The following KIF26A variants were observed in gnomAD, a reference collection of about 807,000 sequenced individuals.
KIF26A encodes the protein kinesin family member 26A, also known as kinesin-like protein KIF26A.
KIF26A carries 74 observed loss-of-function variants against 126.0 expected under a neutral mutation model. The observed-to-expected ratio is 0.59, with a 90% CI of 0.49 to 0.71. KIF26A has a LOEUF of 0.71. Among genes scored for constraint, KIF26A ranks in the 30% least tolerant of loss-of-function variants. The pLI is 0.00. For synonymous variants in KIF26A, 1,445 were observed against 1,232.7 expected (o/e 1.17, Z -3.61); for missense variants, 2,984 against 2,763.3 (o/e 1.08, Z -1.79).
In KIF26A at chr14:104,157,785, G is replaced by A. The variant is rs2037794576; in HGVS notation, c.766G>A (p.Ala256Thr). 3 of 1,610,406 alleles carry A rather than the reference G, an allele frequency of 1.9e-6. No homozygotes were observed. The African/African-American group carries it at 4.0e-5, about 22-fold the overall frequency. Reference protein sequence around the residue: ...AEAAVAAVAVADTVRECPPVA... With the variant: ...AEAAVAAVAVTDTVRECPPVA... ...GGCAGCGGTGGCGGCCGTGGCGGTGGCAGACACGGTCCGAGAATGCCCCCC... is the reference window on the plus strand; with the variant it reads ...GGCAGCGGTGGCGGCCGTGGCGGTGACAGACACGGTCCGAGAATGCCCCCC... The change falls in exon 4 of 15, where the codon GCA becomes ACA. Residue 256 changes from alanine to threonine, a missense_variant. Ala to Thr is a moderately conservative substitution (Grantham distance 58). Transcript: ENST00000423312.
chr14:104,164,718 TGTGTGC>T (rs1301043442), intron 4 of KIF26A, among the ~76,000 whole-genome samples: 1 of 151,568 alleles, frequency 6.6e-6, no homozygotes, highest in African/African-American at 2.4e-5. Flanking sequence ...TGTGTGAGTG[TGTGTGC>T]GTGTCTGTGT....
chr14:104,146,726 T>C (rs2037683556), intron 2 of KIF26A, among the ~76,000 whole-genome samples: 1 of 152,106 alleles, frequency 6.6e-6, no homozygotes, highest in African/African-American at 2.4e-5. Flanking sequence ...GGGGCGGCAG[T>C]GTTTGATCTC....
At chr14:104,143,905 C>G (rs904061878) in intron 2 of KIF26A, among the ~76,000 whole-genome samples, 6 of 152,352 alleles carry the variant, frequency 3.9e-5, no homozygotes, top group Non-Finnish European at 7.3e-5. Flanking sequence ...GCACGGCTCC[C>G]TGGCTGGCAG....
Position 104,176,102 on chromosome 14 carries a change from G to T in KIF26A, c.3314G>T (p.Ser1105Ile). 6.3e-7 allele frequency: 1 copy of T among 1,585,968 alleles called. No individual in the cohort carries two copies. Among genetic ancestry groups the T allele is most frequent in the Admixed American group, 1.8e-5 (1 of 56,708 alleles). ...PLEGAAWAGS[S>I]HGSSISSWLS... Reference sequence around the variant, plus strand: ...GAGGGGGCAGCCTGGGCCGGCAGCAGTCACGGCTCCTCCATCAGCTCCTGG... The same window carrying T: ...GAGGGGGCAGCCTGGGCCGGCAGCATTCACGGCTCCTCCATCAGCTCCTGG... Residue 1105 changes from serine (S) to isoleucine (I), a missense_variant, in exon 12 of 15, where the codon AGT becomes ATT. Ser to Ile is a moderately radical substitution (Grantham distance 142, BLOSUM62 -2). Transcript: ENST00000423312.
In KIF26A at chr14:104,173,714, G is replaced by C. The variant is rs754460426; in HGVS notation, c.1876G>C (p.Gly626Arg). 11 of 1,610,944 alleles carry C rather than the reference G, an allele frequency of 6.8e-6. No individual in the cohort carries two copies. In the South Asian group the frequency reaches 1.2e-4, roughly 18 times the overall value. ...EKCGRGGMSGGRSRLHLIDLG... is the reference protein window; with the variant it reads ...EKCGRGGMSGRRSRLHLIDLG... The stretch of plus-strand genomic sequence containing the variant: ...TTGCCTTGTGGTTCCAGTGTCCGGA[G>C]GCCGCAGCCGCCTGCACCTCATCGA... Residue 626 changes from glycine to arginine, a missense_variant, in exon 10 of 15, where the codon GGC becomes CGC. Physicochemically the swap from Gly to Arg is moderately radical, Grantham distance 125. Transcript: ENST00000423312.
Position 104,175,927 on chromosome 14 carries a change from G to A in KIF26A, c.3139G>A (p.Gly1047Arg), listed in dbSNP as rs375059676. 3.1e-5 allele frequency: 48 copies of A among 1,552,990 alleles called. 2 individuals carry two copies. The Middle Eastern group carries it at 2.8e-3, about 92-fold the overall frequency. The change falls in exon 12 of 15, where the codon GGA becomes AGA. Residue 1047 changes from glycine (G) to arginine (R), a missense_variant. Gly to Arg is a moderately radical substitution (Grantham distance 125). Transcript: ENST00000423312. Reference sequence around the variant, plus strand: ...GGAGCTGTCCCTGGGGGCGCTTGCCGGAGCTGGGCGGCCCACCAGCCTGGC... The same window carrying A: ...GGAGCTGTCCCTGGGGGCGCTTGCCAGAGCTGGGCGGCCCACCAGCCTGGC... The part of the protein sequence containing the change: ...VEELSLGALA[G>R]AGRPTSLASF...
chr14:104,179,852 A>G lies in KIF26A; in HGVS notation c.*62A>G. The G allele has an allele frequency of 7.2e-7, 1 of 1,396,792 alleles. No individual in the cohort carries two copies. Among genetic ancestry groups the G allele is most frequent in the South Asian group, 1.5e-5 (1 of 65,786 alleles). 86.5% of individuals were successfully genotyped at this position (1,396,792 alleles called of 1,614,324 possible). Reference sequence around the variant, plus strand: ...GGCTGGAGGACGGGACGTGGGACGGAGCGAGGATGTGGTGGGGGCTGCGGG... The same window carrying G: ...GGCTGGAGGACGGGACGTGGGACGGGGCGAGGATGTGGTGGGGGCTGCGGG... On this transcript the variant is annotated 3_prime_UTR_variant, in exon 15 of 15. Transcript: ENST00000423312.
chr14:104,148,754 A>C lies in KIF26A; in HGVS notation c.289-3261A>C, dbSNP rs1322756717. Among the ~76,000 whole-genome samples, 2 of 152,002 alleles carry C rather than the reference A, an allele frequency of 1.3e-5. No homozygotes were observed. Among genetic ancestry groups the C allele is most frequent in the African/African-American group, 2.4e-5 (1 of 41,360 alleles). ...GTCTGGGGTCTGCTGTGCGGGGAGC[A>C]GTCAGTGGTGTGGGAGACCCTCGCC... On this transcript the variant is annotated intron_variant, in intron 2 of 14. Transcript: ENST00000423312. This position sits in a 1 kb window ranked among gnomAD's most constrained non-coding sequence, Gnocchi z 4.3.
At chr14:104,142,509 C>T (rs891065359) in intron 2 of KIF26A, among the ~76,000 whole-genome samples, 1 of 152,172 alleles carries the variant, frequency 6.6e-6, no homozygotes, top group Non-Finnish European at 1.5e-5. Flanking sequence ...ATGCTGTCCT[C>T]ATCCCAAGAC....
In KIF26A at chr14:104,176,788, G is replaced by T; in HGVS notation, c.4000G>T (p.Gly1334Trp). The change falls in exon 12 of 15, where the codon GGG (glycine) becomes TGG (tryptophan). Residue 1334 changes from glycine (G) to tryptophan (W), a missense_variant. By Grantham distance (184) the Gly-to-Trp change is radical (BLOSUM62 -2). Coordinates refer to ENST00000423312, the MANE Select transcript of KIF26A (RefSeq NM_015656.2). ...TCCCACGGAGGTGGTGGCCTGCTCG[G>T]GGAGCCTGAAGGCCTCCCCCACCAG... ...DAPTEVVACSGSLKASPTSKK... is the reference protein window; with the variant it reads ...DAPTEVVACSWSLKASPTSKK... 6.4e-7 allele frequency: 1 copy of T among 1,571,854 alleles called. No individual in the cohort carries two copies. Among genetic ancestry groups the T allele is most frequent in the Non-Finnish European group, 8.6e-7 (1 of 1,159,978 alleles).
chr14:104,138,993 C>G (rs1252207629), intron 1 of KIF26A, 50 bp from the exon 2 acceptor site: 14 of 1,323,108 alleles, frequency 1.1e-5, no homozygotes, highest in Admixed American at 8.4e-5. Flanking sequence ...GGGTCTGGAT[C>G]CGACGGACGT....
chr14:104,175,217 G>A lies in KIF26A; in HGVS notation c.2429G>A (p.Gly810Asp). 1.2e-6 allele frequency: 2 copies of A among 1,609,936 alleles called. No individual in the cohort carries two copies. Among genetic ancestry groups the A allele is most frequent in the East Asian group, 4.5e-5 (2 of 44,842 alleles). The change falls in exon 12 of 15, where the codon GGT (glycine) becomes GAT (aspartate). Residue 810 changes from glycine (G) to aspartate (D), a missense_variant. Coordinates refer to ENST00000423312, the MANE Select transcript of KIF26A (RefSeq NM_015656.2). ...GACCGGGAGCTCACCGACAACGAAG[G>A]TCCGCCTGACTTCGTGCCCATCATC... ...LSDRELTDNE[G>D]PPDFVPIIPA...
intron 4 of KIF26A, among the ~76,000 whole-genome samples, chr14:104,165,199 G>C (rs376405220): frequency 5.3e-4 from 70 of 133,218 alleles, no homozygotes; most frequent in African/African-American, 2.2e-3. Context: ...ATGCATGTGT[G>C]TGTCTGTGTC....
chr14:104,156,444 T>C (rs118100965), intron 3 of KIF26A, among the ~76,000 whole-genome samples: 24,965 of 152,062 alleles, frequency 0.16, 2,114 homozygotes, highest in Non-Finnish European at 0.2. Context: ...TACTGGGCAT[T>C]CCTTCTGGAA....
intron 4 of KIF26A, among the ~76,000 whole-genome samples, chr14:104,166,104 G>A (rs757227270): frequency 3.0e-4 from 45 of 152,234 alleles, no homozygotes; most frequent in Admixed American, 4.6e-4. Flanking sequence ...CTTTGGGGTG[G>A]GGAGGCGCTC....
intron 4 of KIF26A, among the ~76,000 whole-genome samples, chr14:104,164,961 GTC>G (rs929960775): frequency 9.2e-5 from 14 of 151,568 alleles, no homozygotes; most frequent in Non-Finnish European, 1.8e-4. Context: ...ATGCATATGT[GTC>G]TCTATGTGTG....
chr14:104,172,403 T>C (rs77088311), intron 6 of KIF26A, among the ~76,000 whole-genome samples, 172 bp from the exon 7 acceptor site: 6,638 of 152,360 alleles, frequency 0.044, 189 homozygotes, highest in Non-Finnish European at 0.063. Context: ...GTCCTGTTCA[T>C]GTGTGTTCTG....
rs377506822 is a variant in KIF26A, at chr14:104,171,580, G to C, written c.1114-143G>C. ...GGATCTGCTCTCGCCTGGAGCAGGGGCGCGGTGTCCACATTCCTGCGGTGG... is the reference window on the plus strand; with the variant it reads ...GGATCTGCTCTCGCCTGGAGCAGGGCCGCGGTGTCCACATTCCTGCGGTGG... On this transcript the variant is annotated intron_variant, in intron 5 of 14. Coordinates refer to ENST00000423312, the MANE Select transcript of KIF26A (RefSeq NM_015656.2). 4.5e-4 allele frequency: 307 copies of C among 675,484 alleles called. 5 individuals are homozygous for C. The South Asian group carries it at 5.2e-3, about 12-fold the overall frequency. 41.8% of individuals were successfully genotyped at this position (675,484 alleles called of 1,614,324 possible). A position where few individuals can be genotyped will look rare whatever the true frequency, so the allele number is the denominator to read the frequency against.
intron 2 of KIF26A, among the ~76,000 whole-genome samples, chr14:104,142,711 C>T (rs1393110097): frequency 6.6e-6 from 1 of 152,216 alleles, no homozygotes; most frequent in Non-Finnish European, 1.5e-5. Flanking sequence ...TGCTCACCCA[C>T]CACCGCAAAC....
Sources: gnomAD v4.1 joint callset for allele counts (sites outside exome capture counted in the v4.1 genomes callset) on GRCh38, gnomAD v4.1.1 for gene constraint, Gnocchi (gnomAD v3.1) non-coding constraint, MANE v1.5 for transcripts, NCBI Gene and HGNC (gene_info 2026-07-23, HGNC 2026-07-21) for gene names.